PHRF1: variants seen among roughly 807,000 people sequenced by gnomAD.
PHRF1 encodes PHD and ring finger domains 1, also known as PHD and RING finger domain-containing protein 1.
Under a neutral mutation model 128.9 loss-of-function variants are expected in PHRF1, and 53 were observed. The ratio of observed to expected loss-of-function variants is 0.41; its 90% CI spans 0.33 to 0.52. The LOEUF (loss-of-function observed/expected upper bound fraction) is 0.52, where lower values mean the gene tolerates loss of function less well. Ranked by LOEUF, PHRF1 falls within the 20% of genes least tolerant of loss-of-function variation. PHRF1 has a pLI of 0.21. For missense variants in PHRF1, 2,503 were observed against 2,284.5 expected, an observed-to-expected ratio of 1.10 and a Z score of -1.95; for synonymous variants, 1,178 against 980.6, an observed-to-expected ratio of 1.20 and a Z score of -3.76.
intron 2 of PHRF1, 140 bp downstream of exon 2, chr11:581,746 G>C: frequency 2.9e-6 from 3 of 1,028,984 alleles, no homozygotes; most frequent in Non-Finnish European, 4.1e-6. Context: ...TGCGGAAGTA[G>C]TGTATTGTTT....
chr11:594,491 CTCACTGCAACCTCTGCAGCGAG>C (rs532222129), intron 6 of PHRF1, among the ~76,000 whole-genome samples: 390 of 152,292 alleles, frequency 2.6e-3, no homozygotes, highest in Non-Finnish European at 3.6e-3. Flanking sequence ...GCCATCTTGG[CTCACTGCAACCTCTGCAGCGAG>C]TCACTGCAAC....
rs756285452 is a variant in PHRF1, at chr11:608,503, G to A, written c.3047G>A (p.Arg1016Gln). 1.5e-5 allele frequency: 21 copies of A among 1,448,180 alleles called. No homozygotes were observed. The highest frequency in any genetic ancestry group is 8.2e-5 in the African/African-American group (4 of 48,620). 89.7% of individuals were successfully genotyped at this position (1,448,180 alleles called of 1,614,324 possible). A position where few individuals can be genotyped will look rare whatever the true frequency, so the allele number is the denominator to read the frequency against. ...AAGAGGGTGTCCAGGGAGCACGGAC[G>A]GACGCGCTCTGGGACGCGCTCTGAA... ...KRKRVSREHG[R>Q]TRSGTRSESR... Residue 1016 changes from arginine to glutamine, a missense_variant, in exon 14 of 18, where the codon CGG becomes CAG. Coordinates refer to ENST00000264555, the MANE Select transcript of PHRF1 (RefSeq NM_001286581.2).
Position 608,202 on chromosome 11 carries a change from GAC to G in PHRF1, c.2749_2750del (p.Thr917GlyfsTer26). ...TGCAGTGGCTGCCGAGGGGGCCTCT[GAC>G]ACGGAGCGAGAGGAGCCCACAGAGA... ...RGAVAAEGAS[D>X]TEREEPTESQ... On this transcript the variant is annotated frameshift_variant, in exon 14 of 18. Transcript: ENST00000264555. LOFTEE classifies it high-confidence loss of function. The G allele has an allele frequency of 6.2e-7, 1 of 1,609,514 alleles. No homozygotes were observed. Among genetic ancestry groups the G allele is most frequent in the Non-Finnish European group, 8.5e-7 (1 of 1,179,826 alleles).
chr11:606,624 TCCTC>T (rs1371100145), intron 13 of PHRF1, 28 bp downstream of exon 13: 2 of 1,575,122 alleles, frequency 1.3e-6, no homozygotes, highest in Non-Finnish European at 1.7e-6. Flanking sequence ...CACGGCCCCT[TCCTC>T]TGTGGGCTGC....
At chr11:605,438 C>T (rs529250956) in intron 11 of PHRF1, 138 bp downstream of exon 11, 32 of 1,459,664 alleles carry the variant, frequency 2.2e-5, no homozygotes, top group Middle Eastern at 1.9e-4. Context: ...CACCGCCATA[C>T]GGTGCAGGTG....
Position 591,471 on chromosome 11 carries a change from AGT to A in PHRF1, c.504+8_504+9del, listed in dbSNP as rs765909403. On this transcript the variant is annotated splice_donor_5th_base_variant and intron_variant, in intron 5 of 17. Transcript: ENST00000264555. ...TGGTGGTAAAATCTTAAGAAAGGTG[AGT>A]GTGGACGCTGCCGTGGAGGCCCCAG... is the stretch of plus-strand genomic sequence containing the variant. 1.0e-5 allele frequency: 16 copies of A among 1,604,240 alleles called. No individual in the cohort carries two copies. Among genetic ancestry groups the A allele is most frequent in the African/African-American group, 5.4e-5 (4 of 74,356 alleles).
chr11:578,376 T>C (rs531277672), intron 1 of PHRF1, among the ~76,000 whole-genome samples: 5 of 152,248 alleles, frequency 3.3e-5, no homozygotes, highest in Non-Finnish European at 4.4e-5. Flanking sequence ...CGTGGAGTCT[T>C]CCCTCACCAG....
chr11:607,249 C>T lies in PHRF1; in HGVS notation c.1793C>T (p.Ala598Val), dbSNP rs1423895617. The change falls in exon 14 of 18, where the codon GCG becomes GTG. Residue 598 changes from alanine (A) to valine (V), a missense_variant. Transcript: ENST00000264555. ...CGCACCCCCGCCCGCACCGCGGGGG[C>T]GCCTGTGAGGCTGGACTTGCCAGCA... ...RSRTPARTAGAPVRLDLPAAP... is the reference protein window; with the variant it reads ...RSRTPARTAGVPVRLDLPAAP... 4 of 1,612,356 alleles carry T rather than the reference C, an allele frequency of 2.5e-6. No homozygotes were observed. Among genetic ancestry groups the T allele is most frequent in the Non-Finnish European group, 2.5e-6 (3 of 1,179,782 alleles).
Position 612,095 on chromosome 11 carries a change from A to G in PHRF1, c.*318A>G, listed in dbSNP as rs1174901823. 1 of 394,894 alleles carries G rather than the reference A, an allele frequency of 2.5e-6. No homozygotes were observed. The highest frequency in any genetic ancestry group is 4.4e-5 in the East Asian group (1 of 22,646). 24.5% of individuals were successfully genotyped at this position (394,894 alleles called of 1,614,324 possible). A position where few individuals can be genotyped will look rare whatever the true frequency, so the allele number is the denominator to read the frequency against. ...TGACTTACTACTTGGAAGATAAAGCACTTGGTGATCAAGAGGGGCTCCTGG... is the reference window on the plus strand; with the variant it reads ...TGACTTACTACTTGGAAGATAAAGCGCTTGGTGATCAAGAGGGGCTCCTGG... On this transcript the variant is annotated 3_prime_UTR_variant, in exon 18 of 18. Coordinates refer to ENST00000264555, the MANE Select transcript of PHRF1 (RefSeq NM_001286581.2).
chr11:598,563 A>C (rs1206924327), intron 9 of PHRF1, 61 bp downstream of exon 9: 3 of 1,545,556 alleles, frequency 1.9e-6, no homozygotes, highest in East Asian at 4.7e-5. Flanking sequence ...CCCGAGGTCC[A>C]CTCACTGCTT....
In PHRF1 at chr11:597,492, G is replaced by A. The variant is rs759975241; in HGVS notation, c.816G>A (p.Ala272=). Residue 272 remains alanine, a synonymous_variant, in exon 8 of 18, where the codon GCG becomes GCA. Transcript: ENST00000264555. This position sits in a 1 kb window ranked among gnomAD's most constrained non-coding sequence, Gnocchi z 6.5. ...RLRPRAGRTR[A]IARTRQSERV... The stretch of plus-strand genomic sequence containing the variant: ...GGCCTCGAGCAGGTAGGACCCGGGC[G>A]ATAGCCAGGACACGGCAGAGTGAGA... 7.4e-6 allele frequency: 12 copies of A among 1,612,486 alleles called. No homozygotes were observed. The highest frequency in any genetic ancestry group is 1.6e-4 in the Middle Eastern group (1 of 6,080).
chr11:593,378 TG>T (rs1855095478), intron 6 of PHRF1, among the ~76,000 whole-genome samples: 1 of 152,244 alleles, frequency 6.6e-6, no homozygotes. Flanking sequence ...GGGAAGTAGC[TG>T]GGTCAGGGTT....
Position 611,929 on chromosome 11 carries a change from C to T in PHRF1, c.*152C>T, listed in dbSNP as rs916626374. On this transcript the variant is annotated 3_prime_UTR_variant, in exon 18 of 18. Transcript: ENST00000264555. Reference sequence around the variant, plus strand: ...AAATGGGGGGCATCACCATGCCTGCCGTCGGGTTCCTGCGCTGACACCTGG... The same window carrying T: ...AAATGGGGGGCATCACCATGCCTGCTGTCGGGTTCCTGCGCTGACACCTGG... The T allele has an allele frequency of 7.0e-6, 9 of 1,286,510 alleles. No homozygotes were observed. The highest frequency in any genetic ancestry group is 5.2e-5 in the Admixed American group (2 of 38,484). 79.7% of individuals were successfully genotyped at this position (1,286,510 alleles called of 1,614,324 possible).
At position 596,842 on chromosome 11, in the gene PHRF1, G is replaced by A. The variant is rs73396333; in HGVS notation, c.621-81G>A. 5.0e-3 allele frequency: 6,480 copies of A among 1,292,376 alleles called. 260 individuals are homozygous for A. In the African/African-American group the frequency reaches 0.081, roughly 16 times the overall value. 80.1% of individuals were successfully genotyped at this position (1,292,376 alleles called of 1,614,324 possible). On this transcript the variant is annotated intron_variant, in intron 6 of 17. Transcript: ENST00000264555. ...CAGACTTGGGTGCCATCGGAGGCCT[G>A]CTTTGTGGTCCCCTCACTTGAGGAG... is the stretch of plus-strand genomic sequence containing the variant.
intron 4 of PHRF1, among the ~76,000 whole-genome samples, chr11:590,417 C>T (rs1854898012): frequency 6.6e-6 from 1 of 152,198 alleles, no homozygotes; most frequent in African/African-American, 2.4e-5. Flanking sequence ...AGAGTCCATG[C>T]TGCGGCTCCA....
At chr11:587,558 A>G (rs1277724705) in intron 4 of PHRF1, 94 bp downstream of exon 4, 12 of 1,316,610 alleles carry the variant, frequency 9.1e-6, no homozygotes, top group South Asian at 5.1e-5. Flanking sequence ...GTGAGGTTCT[A>G]GTTGTCTGCT....
In PHRF1 at chr11:583,745, G is replaced by A. The variant is rs1476754169; in HGVS notation, c.214+1664G>A. On this transcript the variant is annotated intron_variant, in intron 3 of 17. Transcript: ENST00000264555. ...GAGACGTTATCTCAAACAAAACAAA[G>A]GGGAGACAAGTCCGTGGGGTGCGCT... 2.0e-5 allele frequency among the ~76,000 whole-genome samples: 3 copies of A among 152,272 alleles called. No homozygotes were observed. In the East Asian group the frequency reaches 5.8e-4, roughly 29 times the overall value.
intron 12 of PHRF1, 34 bp downstream of exon 12, chr11:605,758 G>A: frequency 6.3e-7 from 1 of 1,581,132 alleles, no homozygotes; most frequent in East Asian, 2.2e-5. Context: ...GGGAGGTGGG[G>A]GCAGCAGTTG....
chr11:582,173 C>T (rs1281651959), intron 3 of PHRF1, 92 bp downstream of exon 3: 1 of 1,531,568 alleles, frequency 6.5e-7, no homozygotes, highest in Middle Eastern at 1.7e-4. Context: ...AGAGTGCTGT[C>T]ACCACAGCTG....
Sources: allele counts gnomAD v4.1 joint callset (sites outside exome capture counted in the v4.1 genomes callset), GRCh38; gene constraint gnomAD v4.1.1; non-coding constraint Gnocchi (gnomAD v3.1); transcripts MANE v1.5; gene names NCBI Gene and HGNC (gene_info 2026-07-23, HGNC 2026-07-21).